Variants in CDH13 observed in about 807,000 individuals in gnomAD.
The protein encoded by CDH13 is cadherin-13.
In CDH13, 24 loss-of-function variants were observed where a neutral mutation model predicts 63.8. The ratio of observed to expected loss-of-function variants is 0.38; its 90% confidence interval spans 0.27 to 0.53. CDH13 has a LOEUF of 0.53. CDH13 is among the 20% of genes least tolerant of loss of function. The pLI is 0.85. For synonymous variants in CDH13, 503 were observed against 355.3 expected (o/e 1.42, Z -4.67); for missense variants, 1,049 against 903.1 (o/e 1.16, Z -2.07).
chr16:83,557,120 A>T (rs1481275632), intron 7 of CDH13, among the ~76,000 whole-genome samples: 4 of 152,142 alleles, frequency 2.6e-5, no homozygotes, highest in Non-Finnish European at 5.9e-5. Context: ...GCAGCATTAG[A>T]GTCTCATAGG....
rs1909952095 is a variant in CDH13 at position 82,645,250 on chromosome 16, G to A, written c.45+18113G>A. On this transcript the variant is annotated intron_variant, in intron 1 of 13. Coordinates refer to ENST00000567109, the MANE Select transcript of CDH13 (RefSeq NM_001257.5). ...TGTCCTCTGGACCTAGAGAATGAAA[G>A]CCTCTGGGGGCAGGCTCAGAAATCT... Among the ~76,000 whole-genome samples the A allele has an allele frequency of 2.0e-5, 3 of 152,292 alleles. No individual in the cohort carries two copies. In the South Asian group the frequency reaches 6.2e-4, roughly 32 times the overall value.
intron 7 of CDH13, among the ~76,000 whole-genome samples, chr16:83,573,207 G>C (rs961325902): frequency 3.3e-5 from 5 of 152,190 alleles, no homozygotes; most frequent in African/African-American, 1.2e-4. Flanking sequence ...AGGTAGGGAG[G>C]AAGGTTGGAG....
intron 4 of CDH13, among the ~76,000 whole-genome samples, chr16:83,156,394 A>T (rs2037207811): frequency 6.6e-6 from 1 of 152,146 alleles, no homozygotes; most frequent in African/African-American, 2.4e-5. Context: ...TCAAGAGTCT[A>T]ATCCTAGCAT....
chr16:83,097,319 C>T (rs1041499384), intron 3 of CDH13, among the ~76,000 whole-genome samples: 1 of 152,204 alleles, frequency 6.6e-6, no homozygotes, highest in Non-Finnish European at 1.5e-5. Context: ...TGCCTCATAA[C>T]TTTTGTTCTT....
At chr16:82,629,431 C>A (rs1253130432) in intron 1 of CDH13, among the ~76,000 whole-genome samples, 2 of 152,140 alleles carry the variant, frequency 1.3e-5, no homozygotes, top group African/African-American at 4.8e-5. Flanking sequence ...ATCCAGTTAA[C>A]CAGCAAGAAG....
At chr16:82,645,498 G>A (rs1020794926) in intron 1 of CDH13, among the ~76,000 whole-genome samples, 3 of 151,960 alleles carry the variant, frequency 2.0e-5, no homozygotes, top group African/African-American at 4.8e-5. Flanking sequence ...GGAGGGGAGT[G>A]GGCATCTAGT....
At chr16:83,233,942 A>T (rs1043164351) in intron 5 of CDH13, among the ~76,000 whole-genome samples, 56 of 152,358 alleles carry the variant, frequency 3.7e-4, no homozygotes, top group Middle Eastern at 3.4e-3. Context: ...GAACTTGTTC[A>T]AGGTCACACA....
intron 6 of CDH13, among the ~76,000 whole-genome samples, chr16:83,424,583 T>C (rs1357125058): frequency 6.6e-6 from 1 of 152,146 alleles, no homozygotes; most frequent in South Asian, 2.1e-4. Flanking sequence ...ATAAATAATA[T>C]TGGACTATTA....
chr16:83,731,234 C>T (rs117081018), intron 10 of CDH13, among the ~76,000 whole-genome samples: 3,459 of 152,316 alleles, frequency 0.023, 134 homozygotes, highest in East Asian at 0.17. Flanking sequence ...TTTGAGAAAT[C>T]TCCAAACTGC....
At chr16:82,728,691 G>A (rs1259843959) in intron 1 of CDH13, among the ~76,000 whole-genome samples, 7 of 152,120 alleles carry the variant, frequency 4.6e-5, no homozygotes, top group African/African-American at 1.4e-4. Flanking sequence ...GAAGGCTAAG[G>A]TGAATTGGCA....
chr16:82,802,425 A>G (rs190677234), intron 1 of CDH13, among the ~76,000 whole-genome samples: 140 of 152,206 alleles, frequency 9.2e-4, no homozygotes, highest in Middle Eastern at 6.8e-3. Context: ...ATCTGTCTCA[A>G]AGTTTTCAAA....
At chr16:82,675,443 C>T (rs1913784444) in intron 1 of CDH13, among the ~76,000 whole-genome samples, 1 of 152,124 alleles carries the variant, frequency 6.6e-6, no homozygotes, top group African/African-American at 2.4e-5. Flanking sequence ...AAAAACACAG[C>T]TTTTCCAGGA....
intron 1 of CDH13, chr16:82,824,929 A>C (rs187355889): frequency 8.5e-5 from 13 of 152,286 alleles, no homozygotes; most frequent in African/African-American, 2.6e-4. Context: ...TCTGTTAAAA[A>C]AATACTTTTA....
At chr16:83,677,052 G>A (rs1018076425) in intron 9 of CDH13, among the ~76,000 whole-genome samples, 1 of 152,192 alleles carries the variant, frequency 6.6e-6, no homozygotes, top group Non-Finnish European at 1.5e-5. Flanking sequence ...GCATGGGTCT[G>A]ATGGGTTAGC....
rs1271320869 is a variant in CDH13, at chr16:83,423,792, G to A, written c.782-62685G>A. Among the ~76,000 whole-genome samples, 6 of 152,208 alleles carry A rather than the reference G, an allele frequency of 3.9e-5. No homozygotes were observed. In the East Asian group the frequency reaches 1.2e-3, roughly 29 times the overall value. ...AAGATGTGCAAGTCCCCTTGTCCCTGTTCTGGTGGCCCTTGAGCATTCCTG... is the reference window on the plus strand; with the variant it reads ...AAGATGTGCAAGTCCCCTTGTCCCTATTCTGGTGGCCCTTGAGCATTCCTG... On this transcript the variant is annotated intron_variant, in intron 6 of 13. Transcript: ENST00000567109.
intron 6 of CDH13, among the ~76,000 whole-genome samples, chr16:83,391,426 G>A (rs986985499): frequency 1.9e-4 from 29 of 151,966 alleles, no homozygotes; most frequent in South Asian, 8.3e-4. Context: ...GGCTGGTCTC[G>A]AACTCCCGAC....
chr16:83,084,210 C>A (rs1330604210), intron 3 of CDH13, among the ~76,000 whole-genome samples: 2 of 152,154 alleles, frequency 1.3e-5, no homozygotes, highest in Non-Finnish European at 2.9e-5. Flanking sequence ...CAACTGATTG[C>A]ATTATTAGCT....
intron 2 of CDH13, among the ~76,000 whole-genome samples, chr16:82,879,576 C>T (rs1318451909): frequency 3.7e-5 from 5 of 136,016 alleles, no homozygotes; most frequent in Non-Finnish European, 6.2e-5. Context: ...ATTTTATATA[C>T]AATATTATAT....
intron 7 of CDH13, among the ~76,000 whole-genome samples, chr16:83,553,000 A>T (rs1164192237): frequency 1.3e-5 from 2 of 151,166 alleles, no homozygotes; most frequent in Non-Finnish European, 2.9e-5. Flanking sequence ...AATCACTTGA[A>T]CCCAGGAGGC....
Sources: gnomAD v4.1 joint callset for allele counts (sites outside exome capture counted in the v4.1 genomes callset) on GRCh38, gnomAD v4.1.1 for gene constraint, MANE v1.5 for transcripts, NCBI Gene and HGNC (gene_info 2026-07-23, HGNC 2026-07-21) for gene names.